The following COL10A1 variants were observed in gnomAD, a reference collection of about 807,000 sequenced individuals.
COL10A1 encodes collagen alpha-1(X) chain.
A neutral mutation model predicts 18.2 loss-of-function variants in COL10A1; 10 were observed. That is an observed-to-expected ratio of 0.55 (90% confidence interval 0.34 to 0.93). The LOEUF is 0.93. COL10A1 is among the 40% of genes least tolerant of loss of function. The pLI is 0.02. For missense variants in COL10A1, 897 were observed against 853.5 expected (o/e 1.05, Z -0.64); for synonymous variants, 330 against 316.6 (o/e 1.04, Z -0.45).
chr6:116,126,851 T>TA (rs1177676019), upstream of COL10A1, among the ~76,000 whole-genome samples: 4 of 152,112 alleles, frequency 2.6e-5, no homozygotes, highest in Non-Finnish European at 4.4e-5. Flanking sequence ...GCTTTCAGCT[T>TA]AAAAAAAATA....
At chr6:116,179,817 T>C in the COL10A1 span, among the ~76,000 whole-genome samples, 5 of 152,118 alleles carry the variant, frequency 3.3e-5, no homozygotes, top group African/African-American at 9.6e-5. Flanking sequence ...ATCTTATTTC[T>C]TTTGGAAAGG....
chr6:116,147,367 G>A (rs1353148715), intron 1 of COL10A1, among the ~76,000 whole-genome samples: 2 of 151,884 alleles, frequency 1.3e-5, no homozygotes, highest in African/African-American at 2.4e-5. Flanking sequence ...GCTTGAACCC[G>A]GGAGGCAGAG....
chr6:116,162,832 A>G (rs1319335409), upstream of COL10A1, among the ~76,000 whole-genome samples: 2 of 152,094 alleles, frequency 1.3e-5, no homozygotes, highest in African/African-American at 4.8e-5. Context: ...TTTAAAAAAT[A>G]TGTATTTTTA....
intron 1 of COL10A1, among the ~76,000 whole-genome samples, chr6:116,143,285 A>G (rs1034050665): frequency 3.3e-5 from 5 of 152,094 alleles, no homozygotes; most frequent in African/African-American, 1.2e-4. Context: ...ATTTTGGCTC[A>G]TTGCAACCTC....
the COL10A1 span, among the ~76,000 whole-genome samples, chr6:116,184,511 G>C: frequency 6.6e-6 from 1 of 152,056 alleles, no homozygotes; most frequent in Non-Finnish European, 1.5e-5. Context: ...GAATCCGTCT[G>C]ATCCTGGCCT....
intron 1 of COL10A1, among the ~76,000 whole-genome samples, chr6:116,135,656 A>C (rs1282773589): frequency 6.6e-6 from 1 of 151,520 alleles, no homozygotes; most frequent in East Asian, 1.9e-4. Context: ...TTCAACTAAC[A>C]AACATTTTTT....
the COL10A1 span, among the ~76,000 whole-genome samples, chr6:116,200,126 T>C: frequency 6.6e-6 from 1 of 152,026 alleles, no homozygotes; most frequent in Non-Finnish European, 1.5e-5. Context: ...AGTGGCACTT[T>C]ATCTCCATGG....
In COL10A1 at chr6:116,121,090, A is replaced by G. The variant is rs1205837685; in HGVS notation, c.1026T>C (p.Asn342=). Residue 342 remains asparagine, a synonymous_variant, in exon 3 of 3, where the codon AAT becomes AAC. Coordinates refer to ENST00000651968, the MANE Select transcript of COL10A1 (RefSeq NM_000493.4). ...GKPGLTGPPG[N]MGPQGPKGIP... ...TGCCTTTTGGTCCTTGGGGTCCCAT[A>G]TTCCCAGGGGGTCCAGTCAGACCTG... The G allele has an allele frequency of 1.2e-6, 2 of 1,613,872 alleles. No individual in the cohort carries two copies.
upstream of COL10A1, among the ~76,000 whole-genome samples, chr6:116,162,728 T>C (rs910486034): frequency 6.6e-6 from 1 of 152,182 alleles, no homozygotes; most frequent in Admixed American, 6.5e-5. Context: ...TATTGGCCCA[T>C]AGTTTTCTGT....
upstream of COL10A1, among the ~76,000 whole-genome samples, chr6:116,128,233 T>C (rs1779374058): frequency 6.6e-6 from 1 of 152,182 alleles, no homozygotes; most frequent in African/African-American, 2.4e-5. Flanking sequence ...TTGCAAATAG[T>C]GTACTTATTT....
intron 2 of COL10A1, among the ~76,000 whole-genome samples, chr6:116,123,813 A>C (rs1274525405): frequency 6.6e-6 from 1 of 152,216 alleles, no homozygotes. Flanking sequence ...TGTTCTGCAA[A>C]AGTAGCCAAG....
chr6:116,163,592 T>C (rs1393446535), upstream of COL10A1, among the ~76,000 whole-genome samples: 2 of 152,180 alleles, frequency 1.3e-5, no homozygotes, highest in South Asian at 4.1e-4. Context: ...GTTGATCCCT[T>C]GTGTGATATT....
At chr6:116,164,469 G>C in the COL10A1 span, among the ~76,000 whole-genome samples, 1 of 152,022 alleles carries the variant, frequency 6.6e-6, no homozygotes, top group Non-Finnish European at 1.5e-5. Context: ...CTTTGAGCTT[G>C]TGTATGTCTT....
the COL10A1 span, among the ~76,000 whole-genome samples, chr6:116,167,564 T>C: frequency 6.6e-4 from 100 of 152,314 alleles, no homozygotes; most frequent in African/African-American, 2.2e-3. Context: ...ACCAGTTATT[T>C]GTACTGATTT....
the COL10A1 span, among the ~76,000 whole-genome samples, chr6:116,185,442 C>G: frequency 7.2e-5 from 11 of 152,034 alleles, no homozygotes; most frequent in Non-Finnish European, 1.3e-4. Context: ...GATGGCCTGT[C>G]TAATGCTGTC....
At chr6:116,148,516 C>T (rs1010779726) in intron 1 of COL10A1, among the ~76,000 whole-genome samples, 1 of 152,046 alleles carries the variant, frequency 6.6e-6, no homozygotes, top group Admixed American at 6.5e-5. Context: ...GCCTTAGGAT[C>T]GTCACTGTGG....
upstream of COL10A1, among the ~76,000 whole-genome samples, chr6:116,126,622 C>A (rs998931606): frequency 6.6e-6 from 1 of 151,772 alleles, no homozygotes; most frequent in East Asian, 1.9e-4. Context: ...AATAGCTGAC[C>A]CCAATTCTTA....
At chr6:116,156,492 G>A in intron 1 of COL10A1, among the ~76,000 whole-genome samples, 1 of 152,168 alleles carries the variant, frequency 6.6e-6, no homozygotes, top group Non-Finnish European at 1.5e-5. Context: ...ATAGTGCAAA[G>A]TAAAAAGGAA....
the COL10A1 span, among the ~76,000 whole-genome samples, chr6:116,172,743 A>G: frequency 8.5e-5 from 13 of 152,324 alleles, no homozygotes; most frequent in Non-Finnish European, 1.5e-4. Context: ...AGTATTTATT[A>G]TATTTCTTTA....
Sources: allele counts gnomAD v4.1 joint callset (sites outside exome capture counted in the v4.1 genomes callset), GRCh38; gene constraint gnomAD v4.1.1; transcripts MANE v1.5; gene names NCBI Gene and HGNC (gene_info 2026-07-23, HGNC 2026-07-21).